RFX4: variants seen among roughly 807,000 people sequenced by gnomAD.
The protein encoded by RFX4 is transcription factor RFX4.
In RFX4, 10 loss-of-function variants were observed where a neutral mutation model predicts 95.0. The ratio of observed to expected loss-of-function variants is 0.11; its 90% CI spans 0.06 to 0.18. The LOEUF (loss-of-function observed/expected upper bound fraction) is 0.18. Ranked by LOEUF, RFX4 falls within the 10% of genes least tolerant of loss-of-function variation. RFX4 has a pLI of 1.00. For missense variants in RFX4, 640 were observed against 922.0 expected, an observed-to-expected ratio of 0.69 and a Z score of 3.96; for synonymous variants, 321 against 340.7, an observed-to-expected ratio of 0.94 and a Z score of 0.64.
chr12:106,625,690 C>G (rs2040283765), intron 2 of RFX4, among the ~76,000 whole-genome samples: 1 of 152,128 alleles, frequency 6.6e-6, no homozygotes, highest in Non-Finnish European at 1.5e-5. Flanking sequence ...TGAGCCCCTA[C>G]TACATGCTAG....
intron 8 of RFX4, among the ~76,000 whole-genome samples, chr12:106,698,283 T>A (rs1036296567): frequency 7.2e-5 from 11 of 152,074 alleles, no homozygotes; most frequent in Non-Finnish European, 4.4e-5. Flanking sequence ...CCAATTAATT[T>A]TTTTTTAAGA....
At chr12:106,678,041 A>T (rs1262412175) in intron 4 of RFX4, among the ~76,000 whole-genome samples, 1 of 152,206 alleles carries the variant, frequency 6.6e-6, no homozygotes, top group Non-Finnish European at 1.5e-5. Context: ...ATAAGTAAAA[A>T]CCATCAGGAA....
chr12:106,651,669 G>A (rs2040859503), intron 3 of RFX4, among the ~76,000 whole-genome samples: 1 of 152,156 alleles, frequency 6.6e-6, no homozygotes, highest in African/African-American at 2.4e-5. Flanking sequence ...AGTGCCTACA[G>A]GAGCCAGACA....
chr12:106,732,471 G>A (rs540206565), intron 14 of RFX4, among the ~76,000 whole-genome samples: 27 of 152,192 alleles, frequency 1.8e-4, no homozygotes, highest in Admixed American at 3.3e-4. Context: ...AGGCCAAGGC[G>A]GGCAGCTCAC....
chr12:106,655,524 G>C (rs893803307), intron 4 of RFX4, among the ~76,000 whole-genome samples: 1 of 152,182 alleles, frequency 6.6e-6, no homozygotes, highest in Non-Finnish European at 1.5e-5. Context: ...CAGCAGGTGG[G>C]AGAAGGGAGA....
chr12:106,703,311 A>G (rs1268999661), intron 8 of RFX4, among the ~76,000 whole-genome samples: 2 of 152,242 alleles, frequency 1.3e-5, no homozygotes, highest in African/African-American at 2.4e-5. Context: ...TCCACATTGT[A>G]GATGGAACGG....
In RFX4 at chr12:106,695,331, T is replaced by C. The variant is rs574721109; in HGVS notation, c.670-952T>C. On this transcript the variant is annotated intron_variant, in intron 7 of 17. Coordinates refer to ENST00000392842, the MANE Select transcript of RFX4 (RefSeq NM_213594.3). ...TTAGCTGATAGCTGAAGTCTAGATT[T>C]TCTCAAATGTTATTATATACATCAG... Among the ~76,000 whole-genome samples, 6 of 152,344 alleles carry C rather than the reference T, an allele frequency of 3.9e-5. No homozygotes were observed. The East Asian group carries it at 1.2e-3, about 29-fold the overall frequency.
At chr12:106,718,823 A>C (rs1235926646) in intron 11 of RFX4, among the ~76,000 whole-genome samples, 1 of 152,160 alleles carries the variant, frequency 6.6e-6, no homozygotes, top group Non-Finnish European at 1.5e-5. Flanking sequence ...ATTAAAAAGC[A>C]CTTCCAGCCG....
chr12:106,723,223 T>A (rs767348137), intron 13 of RFX4, among the ~76,000 whole-genome samples: 3 of 151,108 alleles, frequency 2.0e-5, no homozygotes, highest in Non-Finnish European at 2.9e-5. Flanking sequence ...AGCCAGACTT[T>A]CTTTCTTTGC....
intron 4 of RFX4, among the ~76,000 whole-genome samples, chr12:106,679,822 C>T (rs2137393361): frequency 6.6e-6 from 1 of 152,312 alleles, no homozygotes; most frequent in East Asian, 1.9e-4. Flanking sequence ...AGGGCTTGGC[C>T]ACAGGTTAAT....
intron 1 of RFX4, among the ~76,000 whole-genome samples, chr12:106,602,481 C>A (rs1469004837): frequency 6.6e-6 from 1 of 152,080 alleles, no homozygotes; most frequent in East Asian, 1.9e-4. Flanking sequence ...AGTGGCCAGG[C>A]TGGGATTTGA....
chr12:106,680,484 G>T (rs569780122), intron 4 of RFX4, among the ~76,000 whole-genome samples: 2 of 152,350 alleles, frequency 1.3e-5, no homozygotes, highest in African/African-American at 4.8e-5. Flanking sequence ...CAAGGTCACA[G>T]TCCATATTTG....
intron 2 of RFX4, among the ~76,000 whole-genome samples, chr12:106,630,065 G>GT (rs994979987): frequency 6.6e-6 from 1 of 152,106 alleles, no homozygotes; most frequent in Admixed American, 6.5e-5. Flanking sequence ...GAGCATTTGT[G>GT]TTTTTTCCAT....
At chr12:106,591,734 T>G (rs2039549532) in intron 1 of RFX4, among the ~76,000 whole-genome samples, 1 of 152,204 alleles carries the variant, frequency 6.6e-6, no homozygotes, top group African/African-American at 2.4e-5. Context: ...AGTCAAGGCT[T>G]CATTCATGCA....
chr12:106,668,437 A>G (rs955036747), intron 4 of RFX4, among the ~76,000 whole-genome samples: 6 of 152,066 alleles, frequency 3.9e-5, no homozygotes, highest in African/African-American at 1.4e-4. Context: ...AATAAAAACT[A>G]CGGTTTGAGC....
At chr12:106,677,072 C>A (rs781335098) in intron 4 of RFX4, among the ~76,000 whole-genome samples, 3 of 152,178 alleles carry the variant, frequency 2.0e-5, no homozygotes, top group East Asian at 1.9e-4. Context: ...TGGAACCTGG[C>A]GCTGGATTGT....
At chr12:106,617,360 A>AT (rs1221820910) in intron 2 of RFX4, among the ~76,000 whole-genome samples, 12 of 152,230 alleles carry the variant, frequency 7.9e-5, no homozygotes, top group Non-Finnish European at 1.5e-4. Flanking sequence ...CTTTTCTAAG[A>AT]TATACATTTA....
At chr12:106,583,604 G>C (rs952943676) in intron 1 of RFX4, 1 of 383,418 alleles carries the variant, frequency 2.6e-6, no homozygotes, top group African/African-American at 2.1e-5. Flanking sequence ...GCGCGCGCGC[G>C]AAGGAGCGCG....
rs1373151751 is a variant in RFX4, at chr12:106,644,234, T to C, written c.191+4842T>C. 1.1e-4 allele frequency among the ~76,000 whole-genome samples: 16 copies of C among 147,752 alleles called. 1 individual carries two copies. The highest frequency in any genetic ancestry group is 3.7e-4 in the African/African-American group (15 of 40,112). ...GAATTAATGTTGCCATTTCCCCTTT[T>C]TTTTTTTTTTTTTTTTTGAGACAGA... On this transcript the variant is annotated intron_variant, in intron 3 of 17. Coordinates refer to ENST00000392842, the MANE Select transcript of RFX4 (RefSeq NM_213594.3).
Sources: allele counts gnomAD v4.1 joint callset (sites outside exome capture counted in the v4.1 genomes callset), GRCh38; gene constraint gnomAD v4.1.1; transcripts MANE v1.5; gene names NCBI Gene and HGNC (gene_info 2026-07-23, HGNC 2026-07-21).